The following DRC1 variants were observed in gnomAD, a reference collection of about 807,000 sequenced individuals.
DRC1 encodes the protein dynein regulatory complex subunit 1, also known as dynein regulatory complex protein 1.
Under a neutral mutation model 98.7 loss-of-function variants are expected in DRC1, and 74 were observed. That is an observed-to-expected ratio of 0.75 (90% CI 0.62 to 0.91). The LOEUF (loss-of-function observed/expected upper bound fraction) is 0.91. Among genes scored for constraint, DRC1 ranks in the 40% least tolerant of loss-of-function variants. The pLI, the probability that DRC1 is intolerant of heterozygous loss-of-function variation, is 0.00. For missense variants in DRC1, 875 were observed against 886.0 expected (o/e 0.99, Z 0.16); for synonymous variants, 336 against 334.1 (o/e 1.01, Z -0.06).
intron 2 of DRC1, among the ~76,000 whole-genome samples, chr2:26,418,384 G>C (rs1678884673): frequency 6.7e-6 from 1 of 150,168 alleles, no homozygotes; most frequent in South Asian, 2.1e-4. Context: ...TGTGGCCAGA[G>C]GCAGGCTCTT....
chr2:26,404,604 G>C (rs1678360036), intron 1 of DRC1, among the ~76,000 whole-genome samples: 1 of 152,178 alleles, frequency 6.6e-6, no homozygotes, highest in African/African-American at 2.4e-5. Flanking sequence ...GCATCGTTGA[G>C]ATACTTCAGG....
chr2:26,445,570 T>C (rs1201681639), intron 10 of DRC1, among the ~76,000 whole-genome samples: 4 of 152,218 alleles, frequency 2.6e-5, no homozygotes, highest in Admixed American at 6.5e-5. Flanking sequence ...ATTATCCTTA[T>C]TGAGGCTCAA....
chr2:26,443,394 T>C (rs1238236226), intron 8 of DRC1, among the ~76,000 whole-genome samples: 4 of 152,168 alleles, frequency 2.6e-5, no homozygotes, highest in African/African-American at 9.7e-5. Flanking sequence ...TGGTGAGCTG[T>C]GCCGTGCCTG....
chr2:26,453,700 C>T, intron 14 of DRC1, 151 bp downstream of exon 14: 2 of 727,290 alleles, frequency 2.7e-6, no homozygotes, highest in Non-Finnish European at 4.5e-6. Flanking sequence ...GCTGGGGCAA[C>T]CAATCGCTGG....
rs1291985624 is a variant in DRC1, at chr2:26,450,642, C to T, written c.1650C>T (p.Phe550=). The part of the protein sequence containing the change: ...EDDLYKLVNF[F]LKYRAHRLSS... ...ACTTGTATAAACTGGTGAACTTCTT[C>T]CTTAAATATCGAGCTCACCGTTTAT... Residue 550 remains phenylalanine, a synonymous_variant, in exon 13 of 17, where the codon TTC becomes TTT. Coordinates refer to ENST00000288710, the MANE Select transcript of DRC1 (RefSeq NM_145038.5). 1 of 1,610,534 alleles carries T rather than the reference C, an allele frequency of 6.2e-7. No individual in the cohort carries two copies. Among genetic ancestry groups the T allele is most frequent in the South Asian group, 1.1e-5 (1 of 90,764 alleles).
rs772954214 is a variant in DRC1 at position 26,453,461 on chromosome 2, G to A, written c.1831G>A (p.Glu611Lys). The change falls in exon 14 of 17, where the codon GAG becomes AAG. Residue 611 changes from glutamate (E) to lysine (K), a missense_variant. Coordinates refer to ENST00000288710, the MANE Select transcript of DRC1 (RefSeq NM_145038.5). ...GGTGGAAGGGGAGAAGGAGGAAGAG[G>A]AGGAGACCCCACCCTCCCCCTGGGT... ...SLVEGEKEEE[E>K]ETPPSPWVIH... 6.2e-7 allele frequency: 1 copy of A among 1,613,810 alleles called. No homozygotes were observed. Among genetic ancestry groups the A allele is most frequent in the East Asian group, 2.2e-5 (1 of 44,894 alleles).
intron 1 of DRC1, among the ~76,000 whole-genome samples, chr2:26,413,038 T>TC (rs1283253277): frequency 4.6e-5 from 7 of 152,204 alleles, no homozygotes; most frequent in African/African-American, 1.4e-4. Context: ...CGCCTCGGCC[T>TC]CCCAAAGTGC....
At chr2:26,449,618 T>C (rs990051754) in intron 11 of DRC1, among the ~76,000 whole-genome samples, 1 of 152,202 alleles carries the variant, frequency 6.6e-6, no homozygotes, top group Non-Finnish European at 1.5e-5. Context: ...CTGTGTTCTG[T>C]AGATATTTGG....
intron 2 of DRC1, among the ~76,000 whole-genome samples, chr2:26,420,596 C>T (rs1558439269): frequency 1.3e-5 from 2 of 152,000 alleles, no homozygotes; most frequent in African/African-American, 4.8e-5. Flanking sequence ...CTGCAGAGTG[C>T]TTTTTTTAAA....
chr2:26,435,640 T>C (rs1295584567), intron 7 of DRC1, among the ~76,000 whole-genome samples: 1 of 152,196 alleles, frequency 6.6e-6, no homozygotes, highest in Non-Finnish European at 1.5e-5. Context: ...TTCTCATTGG[T>C]CCCACTTATA....
chr2:26,437,223 C>T (rs998840596), intron 7 of DRC1, among the ~76,000 whole-genome samples: 3 of 152,196 alleles, frequency 2.0e-5, no homozygotes, highest in African/African-American at 7.2e-5. Context: ...AGGGCCATCC[C>T]TAGAAGGGGA....
chr2:26,418,581 TA>T (rs1558437967), intron 2 of DRC1, among the ~76,000 whole-genome samples: 11 of 105,606 alleles, frequency 1.0e-4, no homozygotes, highest in South Asian at 4.7e-4. Context: ...ATATTATATA[TA>T]AATTATATAT....
intron 7 of DRC1, among the ~76,000 whole-genome samples, chr2:26,435,858 G>A (rs190456011): frequency 5.3e-5 from 8 of 151,354 alleles, no homozygotes; most frequent in South Asian, 2.1e-4. Flanking sequence ...CCATTCTACC[G>A]TTGATGGGCA....
chr2:26,423,848 G>T (rs1663212781), intron 3 of DRC1, among the ~76,000 whole-genome samples: 1 of 152,178 alleles, frequency 6.6e-6, no homozygotes, highest in African/African-American at 2.4e-5. Flanking sequence ...GAGGCTTGAG[G>T]GAGTTATGCA....
At position 26,416,418 on chromosome 2, in the gene DRC1, G is replaced by A. The variant is rs930706127; in HGVS notation, c.243+1987G>A. Among the ~76,000 whole-genome samples the A allele has an allele frequency of 3.3e-5, 5 of 152,216 alleles. No individual in the cohort carries two copies. In the East Asian group the frequency reaches 7.7e-4, roughly 23 times the overall value. On this transcript the variant is annotated intron_variant, in intron 2 of 16. Coordinates refer to ENST00000288710, the MANE Select transcript of DRC1 (RefSeq NM_145038.5). Reference sequence around the variant, plus strand: ...GCCTCCCAAAGTGCTGGGATTACAAGCGTGAGCCACCGTGCCCGGCCTTAC... The same window carrying A: ...GCCTCCCAAAGTGCTGGGATTACAAACGTGAGCCACCGTGCCCGGCCTTAC...
intron 2 of DRC1, among the ~76,000 whole-genome samples, chr2:26,418,610 AATTATATATAATAT>A (rs1435607067): frequency 1.7e-4 from 14 of 82,268 alleles, no homozygotes; most frequent in Non-Finnish European, 2.6e-4. Context: ...ATAATATATA[AATTATATATAATAT>A]AAATTATATA....
intron 4 of DRC1, 98 bp downstream of exon 4, chr2:26,424,552 C>A (rs1354907516): frequency 1.6e-6 from 2 of 1,235,130 alleles, no homozygotes; most frequent in East Asian, 2.4e-5. Flanking sequence ...ATGTAGAAAC[C>A]TTTTACTTCA....
chr2:26,437,944 CT>C (rs1448745067), intron 7 of DRC1, among the ~76,000 whole-genome samples: 4 of 151,606 alleles, frequency 2.6e-5, no homozygotes, highest in African/African-American at 9.7e-5. Context: ...CAAAAATTAG[CT>C]GGGCGTGGCG....
chr2:26,451,760 G>C (rs545188820), intron 13 of DRC1, among the ~76,000 whole-genome samples: 2 of 152,100 alleles, frequency 1.3e-5, no homozygotes, highest in East Asian at 3.9e-4. Flanking sequence ...AGCCATAAAG[G>C]GAATAAAAGC....
Sources: allele counts gnomAD v4.1 joint callset (sites outside exome capture counted in the v4.1 genomes callset), GRCh38; gene constraint gnomAD v4.1.1; transcripts MANE v1.5; gene names NCBI Gene and HGNC (gene_info 2026-07-23, HGNC 2026-07-21).